SLC35E3: variants seen among roughly 807,000 people sequenced by gnomAD.
SLC35E3 encodes bladder cancer-overexpressed gene 1 protein.
Under a neutral mutation model 30.8 loss-of-function variants are expected in SLC35E3, and 28 were observed. The observed-to-expected ratio is 0.91, with a 90% CI of 0.67 to 1.25. The LOEUF (loss-of-function observed/expected upper bound fraction) is 1.25. SLC35E3 is among the 50% of genes most tolerant of loss of function. The pLI, the probability that SLC35E3 is intolerant of heterozygous loss-of-function variation, is 0.00. For synonymous variants in SLC35E3, 146 were observed against 149.2 expected (o/e 0.98, Z 0.16); for missense variants, 365 against 375.4 (o/e 0.97, Z 0.23).
intron 2 of SLC35E3, among the ~76,000 whole-genome samples, chr12:68,751,065 A>C (rs1168527491): frequency 6.6e-6 from 1 of 152,120 alleles, no homozygotes; most frequent in Non-Finnish European, 1.5e-5. Context: ...TTTCTACTGA[A>C]TGGTATGGTA....
rs544976892 is a variant in SLC35E3 at position 68,777,600 on chromosome 12, C to T, written c.*12710C>T. ...ACTTTGGCCTCACCCTCTTCCCCAGCGTGAAGACGCACAACCCAAGTGGGA... is the reference window on the plus strand; with the variant it reads ...ACTTTGGCCTCACCCTCTTCCCCAGTGTGAAGACGCACAACCCAAGTGGGA... On this transcript the variant is annotated 3_prime_UTR_variant, in exon 5 of 5. Transcript: ENST00000398004. 2.6e-5 allele frequency: 4 copies of T among 152,312 alleles called. No homozygotes were observed. In the East Asian group the frequency reaches 7.7e-4, roughly 29 times the overall value. The allele number at this position is 152,312 out of a possible 1,614,324, so 9.4% of individuals were successfully genotyped here.
rs1190424966 is a variant in SLC35E3, at chr12:68,774,877, G to GT, written c.*9988dup. 1 of 151,490 alleles carries GT rather than the reference G, an allele frequency of 6.6e-6. No homozygotes were observed. Among genetic ancestry groups the GT allele is most frequent in the African/African-American group, 2.4e-5 (1 of 41,232 alleles). 9.4% of individuals were successfully genotyped at this position (151,490 alleles called of 1,614,324 possible). A position where few individuals can be genotyped will look rare whatever the true frequency, so the allele number is the denominator to read the frequency against. On this transcript the variant is annotated 3_prime_UTR_variant, in exon 5 of 5. Transcript: ENST00000398004. ...AAATTGGGTCTTGTGGCCAGGTGCG[G>GT]TGGCTCACGCATAATCCCAACACTT...
At position 68,772,794 on chromosome 12, in the gene SLC35E3, C is replaced by T. The variant is rs539640403; in HGVS notation, c.*7904C>T. On this transcript the variant is annotated 3_prime_UTR_variant, in exon 5 of 5. Coordinates refer to ENST00000398004, the MANE Select transcript of SLC35E3 (RefSeq NM_018656.5). ...CTGTATCAACCACGTCTTCATTTTCCTTTTCCTGTTTGTCTTACTCTCCCC... is the reference window on the plus strand; with the variant it reads ...CTGTATCAACCACGTCTTCATTTTCTTTTTCCTGTTTGTCTTACTCTCCCC... 1 of 152,172 alleles carries T rather than the reference C, an allele frequency of 6.6e-6. No individual in the cohort carries two copies. The highest frequency in any genetic ancestry group is 2.1e-4 in the South Asian group (1 of 4,820). 9.4% of individuals were successfully genotyped at this position (152,172 alleles called of 1,614,324 possible).
At chr12:68,759,309 T>TC in intron 4 of SLC35E3, 70 bp downstream of exon 4, 2 of 1,088,152 alleles carry the variant, frequency 1.8e-6, no homozygotes, top group Non-Finnish European at 2.8e-6. Context: ...TTCATTACCT[T>TC]ATTTGAATCT....
chr12:68,757,009 C>CAAATAAAT (rs888116781), intron 3 of SLC35E3, among the ~76,000 whole-genome samples: 4 of 151,968 alleles, frequency 2.6e-5, no homozygotes, highest in Non-Finnish European at 5.9e-5. Context: ...AGTGAGACTC[C>CAAATAAAT]AAATAAATAA....
chr12:68,760,157 T>C (rs563683150), intron 4 of SLC35E3: 3 of 152,508 alleles, frequency 2.0e-5, no homozygotes, highest in African/African-American at 7.2e-5. Context: ...CTGGGCAACA[T>C]AGGGAGAACC....
chr12:68,759,003 A>G (rs1264161650), intron 3 of SLC35E3, among the ~76,000 whole-genome samples, 154 bp from the exon 4 acceptor site: 1 of 152,110 alleles, frequency 6.6e-6, no homozygotes, highest in Non-Finnish European at 1.5e-5. Flanking sequence ...TGCTGGGATT[A>G]CAGGCGTGAG....
chr12:68,752,158 G>A lies in SLC35E3; in HGVS notation c.640G>A (p.Gly214Arg). Residue 214 changes from glycine to arginine, a missense_variant, in exon 3 of 5, where the codon GGA becomes AGA. By Grantham distance (125) the Gly-to-Arg change is moderately radical (BLOSUM62 -2). Coordinates refer to ENST00000398004, the MANE Select transcript of SLC35E3 (RefSeq NM_018656.5). ...PFFEPVFGEG[G>R]IFGPWSVSAL... ...CTTTGAGCCAGTGTTTGGAGAAGGA[G>A]GAATATTTGGTCCCTGGTCAGTTTC... 1 of 1,613,120 alleles carries A rather than the reference G, an allele frequency of 6.2e-7. No homozygotes were observed. Among genetic ancestry groups the A allele is most frequent in the Non-Finnish European group, 8.5e-7 (1 of 1,179,780 alleles).
intron 3 of SLC35E3, among the ~76,000 whole-genome samples, chr12:68,756,440 CT>C (rs61603177): frequency 0.98 from 141,029 of 143,954 alleles, 69,079 homozygotes; most frequent in East Asian, 1. Context: ...GTCAACTCAA[CT>C]TTTTTTTTTT....
At chr12:68,749,099 C>T (rs994605166) in intron 2 of SLC35E3, among the ~76,000 whole-genome samples, 2 of 152,188 alleles carry the variant, frequency 1.3e-5, no homozygotes, top group African/African-American at 4.8e-5. Context: ...AGTAATTGTA[C>T]TCCTTATACG....
At position 68,768,246 on chromosome 12, in the gene SLC35E3, G is replaced by A. The variant is rs377317463; in HGVS notation, c.*3356G>A. 10 of 151,846 alleles carry A rather than the reference G, an allele frequency of 6.6e-5. No individual in the cohort carries two copies. Among genetic ancestry groups the A allele is most frequent in the Admixed American group, 1.3e-4 (2 of 15,212 alleles). 9.4% of individuals were successfully genotyped at this position (151,846 alleles called of 1,614,324 possible). A position where few individuals can be genotyped will look rare whatever the true frequency, so the allele number is the denominator to read the frequency against. On this transcript the variant is annotated 3_prime_UTR_variant, in exon 5 of 5. Coordinates refer to ENST00000398004, the MANE Select transcript of SLC35E3 (RefSeq NM_018656.5). ...GGAGGTTGCAGTGAGCCGAGACTGC[G>A]CCATTGCACACCAGCCTGGGTGACG...
At chr12:68,746,916 T>A (rs1878604713) in intron 1 of SLC35E3, 137 bp downstream of exon 1, 1 of 1,000,426 alleles carries the variant, frequency 1.0e-6, no homozygotes, top group African/African-American at 1.6e-5. Flanking sequence ...TGTGAACTTT[T>A]AGGCTTATTT....
chr12:68,772,036 A>T lies in SLC35E3; in HGVS notation c.*7146A>T, dbSNP rs749601418. The T allele has an allele frequency of 4.6e-5, 7 of 151,788 alleles. No individual in the cohort carries two copies. The highest frequency in any genetic ancestry group is 2.1e-4 in the South Asian group (1 of 4,812). The allele number at this position is 151,788 out of a possible 1,614,324, so 9.4% of individuals were successfully genotyped here. A position where few individuals can be genotyped will look rare whatever the true frequency, so the allele number is the denominator to read the frequency against. On this transcript the variant is annotated 3_prime_UTR_variant, in exon 5 of 5. Coordinates refer to ENST00000398004, the MANE Select transcript of SLC35E3 (RefSeq NM_018656.5). ...TTTGTTTGACCTTTTTTTTAATTTT[A>T]ATTTTTATTTTTTATTTTTTGAGAC... is the stretch of plus-strand genomic sequence containing the variant.
Position 68,777,177 on chromosome 12 carries a change from T to C in SLC35E3, c.*12287T>C, listed in dbSNP as rs1358090189. ...ACGTTCCAGGAATTTCCTAAGACCA[T>C]AGTGGGAGACAGCTGCATCAGAGGC... is the stretch of plus-strand genomic sequence containing the variant. On this transcript the variant is annotated 3_prime_UTR_variant, in exon 5 of 5. Coordinates refer to ENST00000398004, the MANE Select transcript of SLC35E3 (RefSeq NM_018656.5). 1 of 152,110 alleles carries C rather than the reference T, an allele frequency of 6.6e-6. No individual in the cohort carries two copies. Among genetic ancestry groups the C allele is most frequent in the Non-Finnish European group, 1.5e-5 (1 of 68,026 alleles). The allele number at this position is 152,110 out of a possible 1,614,324, so 9.4% of individuals were successfully genotyped here. A position where few individuals can be genotyped will look rare whatever the true frequency, so the allele number is the denominator to read the frequency against.
Position 68,773,092 on chromosome 12 carries a change from A to T in SLC35E3, c.*8202A>T, listed in dbSNP as rs1465615425. The stretch of plus-strand genomic sequence containing the variant: ...TTTGTTATCCGTGCTTGGGGCGGTG[A>T]CCCTTGACCCCATTCCTATTTAAAC... On this transcript the variant is annotated 3_prime_UTR_variant, in exon 5 of 5. Transcript: ENST00000398004. 6.6e-6 allele frequency: 1 copy of T among 152,232 alleles called. No homozygotes were observed. Among genetic ancestry groups the T allele is most frequent in the Non-Finnish European group, 1.5e-5 (1 of 68,056 alleles). The allele number at this position is 152,232 out of a possible 1,614,324, so 9.4% of individuals were successfully genotyped here. A position where few individuals can be genotyped will look rare whatever the true frequency, so the allele number is the denominator to read the frequency against.
chr12:68,764,621 G>C, intron 4 of SLC35E3, 83 bp from the exon 5 acceptor site: 6 of 1,322,684 alleles, frequency 4.5e-6, no homozygotes, highest in Non-Finnish European at 6.3e-6. Context: ...GCTGCTTTTG[G>C]GTTGTTTTAT....
intron 3 of SLC35E3, among the ~76,000 whole-genome samples, chr12:68,753,806 C>CCCTACA (rs1555181503): frequency 4.3e-5 from 1 of 23,370 alleles, no homozygotes; most frequent in East Asian, 2.0e-3. Context: ...CCGTATATAT[C>CCCTACA]CATACACACA....
chr12:68,770,854 C>T lies in SLC35E3; in HGVS notation c.*5964C>T, dbSNP rs1879584273. 1 of 157,756 alleles carries T rather than the reference C, an allele frequency of 6.3e-6. No individual in the cohort carries two copies. Among genetic ancestry groups the T allele is most frequent in the South Asian group, 1.9e-4 (1 of 5,224 alleles). The allele number at this position is 157,756 out of a possible 1,614,324, so 9.8% of individuals were successfully genotyped here. ...GTCTCAACAACAACAAAAAATCACA[C>T]ATGTCTGATTTGCGCAGCTTGATAG... On this transcript the variant is annotated 3_prime_UTR_variant, in exon 5 of 5. Transcript: ENST00000398004.
intron 3 of SLC35E3, among the ~76,000 whole-genome samples, chr12:68,756,899 C>A (rs1222134781): frequency 6.6e-6 from 1 of 152,188 alleles, no homozygotes; most frequent in African/African-American, 2.4e-5. Flanking sequence ...CCTGTAGTCT[C>A]AGCTACTTGG....
Sources: allele counts gnomAD v4.1 joint callset (sites outside exome capture counted in the v4.1 genomes callset), GRCh38; gene constraint gnomAD v4.1.1; transcripts MANE v1.5; gene names NCBI Gene and HGNC (gene_info 2026-07-23, HGNC 2026-07-21).